KCND3: variants seen among roughly 807,000 people sequenced by gnomAD.
The protein encoded by KCND3 is potassium voltage-gated channel subfamily D member 3, also known as A-type voltage-gated potassium channel KCND3.
A neutral mutation model predicts 51.1 loss-of-function variants in KCND3; 9 were observed. That is an observed-to-expected ratio of 0.18 (90% CI 0.11 to 0.31). The LOEUF (loss-of-function observed/expected upper bound fraction) is 0.31, where lower values mean the gene tolerates loss of function less well. KCND3 is among the 10% of genes least tolerant of loss of function. The pLI, the probability that KCND3 is intolerant of heterozygous loss-of-function variation, is 1.00. For synonymous variants in KCND3, 349 were observed against 368.0 expected (o/e 0.95, Z 0.59); for missense variants, 526 against 903.8 (o/e 0.58, Z 5.36).
chr1:111,977,432 G>A (rs149994433), intron 2 of KCND3, among the ~76,000 whole-genome samples: 1 of 152,244 alleles, frequency 6.6e-6, no homozygotes, highest in African/African-American at 2.4e-5. Context: ...CTTCCTGCTT[G>A]GAAGAAGTAA....
rs1225651620 is a variant in KCND3, at chr1:111,982,089, C to G, written c.638G>C (p.Ser213Thr). Residue 213 changes from serine to threonine, a missense_variant, in exon 2 of 8, where the codon AGC becomes ACC. Ser to Thr is a moderately conservative substitution (Grantham distance 58, BLOSUM62 1). Around this residue, in one of 5 missense-constraint regions of KCND3, gnomAD observed 51 missense variants for 84.7 expected, o/e 0.60. Transcript: ENST00000302127. The surrounding 1 kb of genome is among the most constrained non-coding windows in gnomAD (Gnocchi z 8.5). The part of the protein sequence containing the change: ...ETVPCGTVPG[S>T]KELPCGERYS... ...GCGCTCCCCGCACGGCAGCTCCTTG[C>G]TGCCCGGGACCGTGCCGCACGGCAC... is the stretch of plus-strand genomic sequence containing the variant. The G allele has an allele frequency of 6.2e-7, 1 of 1,613,732 alleles. No homozygotes were observed. The highest frequency in any genetic ancestry group is 1.7e-5 in the Admixed American group (1 of 60,006).
At chr1:111,873,391 T>C (rs1360520247) in intron 2 of KCND3, among the ~76,000 whole-genome samples, 1 of 152,118 alleles carries the variant, frequency 6.6e-6, no homozygotes, top group East Asian at 1.9e-4. Context: ...GTGTGGCATG[T>C]GGTATGGAGG....
chr1:111,922,884 G>A (rs187698650), intron 2 of KCND3, among the ~76,000 whole-genome samples: 1 of 152,334 alleles, frequency 6.6e-6, no homozygotes, highest in Admixed American at 6.5e-5. Context: ...GCAATGTATA[G>A]TATTCAATAA....
intron 2 of KCND3, among the ~76,000 whole-genome samples, chr1:111,980,155 C>G (rs912263781): frequency 2.6e-5 from 4 of 151,624 alleles, no homozygotes; most frequent in African/African-American, 9.7e-5. Context: ...GAAACAAGGT[C>G]AAATGACCAA....
At chr1:111,874,942 T>C (rs1668987564) in intron 2 of KCND3, among the ~76,000 whole-genome samples, 1 of 152,208 alleles carries the variant, frequency 6.6e-6, no homozygotes, top group African/African-American at 2.4e-5. Flanking sequence ...GGGCCACTGA[T>C]CAGCCTGCAA....
chr1:111,842,291 C>A (rs553745632), intron 2 of KCND3, among the ~76,000 whole-genome samples: 1 of 152,228 alleles, frequency 6.6e-6, no homozygotes, highest in African/African-American at 2.4e-5. Flanking sequence ...CCACCCTGAG[C>A]GGGCCATGCT....
intron 2 of KCND3, among the ~76,000 whole-genome samples, chr1:111,926,796 G>A (rs935006725): frequency 3.3e-5 from 5 of 152,372 alleles, no homozygotes; most frequent in African/African-American, 1.2e-4. Flanking sequence ...GCAGCTGCGC[G>A]CACCTCACTG....
At chr1:111,954,159 C>A (rs1673201848) in intron 2 of KCND3, among the ~76,000 whole-genome samples, 1 of 152,218 alleles carries the variant, frequency 6.6e-6, no homozygotes, top group Non-Finnish European at 1.5e-5. Context: ...TCCCCTTGCA[C>A]CTGCAGACTG....
At chr1:111,958,030 G>C (rs796889299) in intron 2 of KCND3, among the ~76,000 whole-genome samples, 8 of 152,232 alleles carry the variant, frequency 5.3e-5, no homozygotes, top group African/African-American at 1.9e-4. Flanking sequence ...CTGCAACTCA[G>C]GGTGTAGCAG....
intron 2 of KCND3, among the ~76,000 whole-genome samples, chr1:111,823,095 C>T (rs1463025523): frequency 6.6e-6 from 1 of 152,184 alleles, no homozygotes; most frequent in African/African-American, 2.4e-5. Context: ...TCCTACTCTT[C>T]CTTGGCTGTC....
intron 2 of KCND3, among the ~76,000 whole-genome samples, chr1:111,907,566 GT>G (rs1302564625): frequency 6.6e-6 from 1 of 152,202 alleles, no homozygotes; most frequent in Non-Finnish European, 1.5e-5. Flanking sequence ...TCACGTGAGG[GT>G]TCTTAAGCCA....
At chr1:111,936,127 T>G (rs1672206166) in intron 2 of KCND3, among the ~76,000 whole-genome samples, 1 of 152,260 alleles carries the variant, frequency 6.6e-6, no homozygotes, top group African/African-American at 2.4e-5. Flanking sequence ...TGTATGTATT[T>G]CAATAATACT....
chr1:111,986,162 C>G (rs1171232291), intron 1 of KCND3, among the ~76,000 whole-genome samples: 1 of 152,246 alleles, frequency 6.6e-6, no homozygotes, highest in Non-Finnish European at 1.5e-5. Flanking sequence ...ACAAGTTCAA[C>G]TCTGTTCCAA....
rs529665790 is a variant in KCND3 at position 111,884,397 on chromosome 1, T to G, written c.1106+97224A>C. 3.3e-5 allele frequency among the ~76,000 whole-genome samples: 5 copies of G among 152,346 alleles called. No homozygotes were observed. The East Asian group carries it at 9.6e-4, about 29-fold the overall frequency. On this transcript the variant is annotated intron_variant, in intron 2 of 7. Transcript: ENST00000302127. ...AAGGAGAGCTGCCCTGCTGTGCCTG[T>G]TCCCTTGTTACTGACATTTCCCCAG...
chr1:111,889,081 G>T (rs1669705215), intron 2 of KCND3, among the ~76,000 whole-genome samples: 1 of 152,214 alleles, frequency 6.6e-6, no homozygotes, highest in Admixed American at 6.5e-5. Context: ...GATGTAATGA[G>T]TTCGTTTGGG....
intron 2 of KCND3, among the ~76,000 whole-genome samples, chr1:111,931,126 A>G (rs1161046720): frequency 6.6e-6 from 1 of 152,236 alleles, no homozygotes; most frequent in East Asian, 1.9e-4. Context: ...GAGGGATGTA[A>G]GAAAGCACAC....
intron 2 of KCND3, among the ~76,000 whole-genome samples, chr1:111,914,883 T>G (rs906895313): frequency 1.3e-5 from 2 of 152,202 alleles, no homozygotes; most frequent in Admixed American, 1.3e-4. Context: ...TTTGTACTCA[T>G]TTTTGAAGTC....
intron 2 of KCND3, among the ~76,000 whole-genome samples, chr1:111,845,505 C>A (rs1357500014): frequency 2.0e-5 from 3 of 152,160 alleles, no homozygotes; most frequent in Non-Finnish European, 4.4e-5. Flanking sequence ...CCAAATGGAG[C>A]TTTACTGTCT....
chr1:111,928,349 G>T (rs1046569714), intron 2 of KCND3, among the ~76,000 whole-genome samples: 1 of 152,180 alleles, frequency 6.6e-6, no homozygotes, highest in Non-Finnish European at 1.5e-5. Flanking sequence ...AGTCTCAGCT[G>T]ATGGGATACC....
Sources: allele counts gnomAD v4.1 joint callset (sites outside exome capture counted in the v4.1 genomes callset), GRCh38; gene constraint gnomAD v4.1.1; regional missense constraint gnomAD v4.1.1; non-coding constraint Gnocchi (gnomAD v3.1); transcripts MANE v1.5; gene names NCBI Gene and HGNC (gene_info 2026-07-23, HGNC 2026-07-21).